Variants in MAGI2 observed in about 807,000 individuals in gnomAD.
MAGI2 encodes membrane associated guanylate kinase, WW and PDZ domain containing 2, also known as membrane-associated guanylate kinase, WW and PDZ domain-containing protein 2.
In MAGI2, 35 loss-of-function variants were observed where a neutral mutation model predicts 133.3. The observed-to-expected ratio is 0.26, with a 90% CI of 0.20 to 0.35. The LOEUF is 0.35. Among genes scored for constraint, MAGI2 ranks in the 10% least tolerant of loss-of-function variants. The pLI is 1.00. For missense variants in MAGI2, 1,636 were observed against 1,863.4 expected (o/e 0.88, Z 2.25); for synonymous variants, 729 against 710.6 (o/e 1.03, Z -0.41).
intron 9 of MAGI2, among the ~76,000 whole-genome samples, chr7:78,311,770 A>G (rs1006888095): frequency 2.0e-5 from 3 of 151,088 alleles, no homozygotes; most frequent in Non-Finnish European, 4.4e-5. Flanking sequence ...ACTTTCACAA[A>G]TTCTTTTTTT....
At chr7:78,674,593 A>G (rs1274020059) in intron 2 of MAGI2, among the ~76,000 whole-genome samples, 1 of 152,178 alleles carries the variant, frequency 6.6e-6, no homozygotes, top group African/African-American at 2.4e-5. Flanking sequence ...CAATGTGAAT[A>G]AGAAATTCTT....
chr7:78,771,020 T>C (rs1208266981), intron 2 of MAGI2: 1 of 152,228 alleles, frequency 6.6e-6, no homozygotes, highest in Non-Finnish European at 1.5e-5. Context: ...TCAACATGGA[T>C]GTCTAGAATT....
At chr7:78,859,870 G>A (rs1425329953) in intron 2 of MAGI2, among the ~76,000 whole-genome samples, 24 of 152,118 alleles carry the variant, frequency 1.6e-4, no homozygotes, top group Non-Finnish European at 2.6e-4. Context: ...TCACTTTCAG[G>A]TACACCAATC....
chr7:78,043,504 G>A (rs949941154), intron 21 of MAGI2, among the ~76,000 whole-genome samples: 3 of 152,200 alleles, frequency 2.0e-5, no homozygotes, highest in African/African-American at 7.2e-5. Flanking sequence ...GGGCTGGAAA[G>A]GATTGGCCAA....
At position 79,273,281 on chromosome 7, in the gene MAGI2, C is replaced by G. The variant is rs183944480; in HGVS notation, c.301+179739G>C. ...GGCTGCAATACCTCTTTCAAAGACA[C>G]TTAGCCAATTAGCCACAGAAAATTA... On this transcript the variant is annotated intron_variant, in intron 1 of 21. Coordinates refer to ENST00000354212, the MANE Select transcript of MAGI2 (RefSeq NM_012301.4). Among the ~76,000 whole-genome samples the G allele has an allele frequency of 1.9e-3, 288 of 152,110 alleles. 1 individual carries two copies. Among genetic ancestry groups the G allele is most frequent in the African/African-American group, 6.4e-3 (264 of 41,526 alleles).
At chr7:79,421,454 A>G (rs1218130986) in intron 1 of MAGI2, among the ~76,000 whole-genome samples, 2 of 152,010 alleles carry the variant, frequency 1.3e-5, no homozygotes, top group African/African-American at 4.8e-5. Context: ...CTAAAGTAGT[A>G]ATAGCATGAC....
At chr7:78,455,909 G>A (rs776160487) in intron 6 of MAGI2, among the ~76,000 whole-genome samples, 4 of 151,928 alleles carry the variant, frequency 2.6e-5, no homozygotes, top group Non-Finnish European at 2.9e-5. Flanking sequence ...ATACCCTAAT[G>A]TTTTTTCCCA....
chr7:78,189,100 G>A (rs1478161352), intron 12 of MAGI2, among the ~76,000 whole-genome samples: 1 of 152,162 alleles, frequency 6.6e-6, no homozygotes, highest in Non-Finnish European at 1.5e-5. Flanking sequence ...TAATAACAAG[G>A]AAAGAGCAGC....
intron 5 of MAGI2, among the ~76,000 whole-genome samples, chr7:78,496,246 A>G (rs1337119428): frequency 6.6e-6 from 1 of 152,212 alleles, no homozygotes. Context: ...ATACACAGCT[A>G]TGACATTTTT....
intron 2 of MAGI2, among the ~76,000 whole-genome samples, chr7:78,667,235 AC>A (rs1033462328): frequency 1.1e-4 from 17 of 150,704 alleles, no homozygotes; most frequent in South Asian, 2.1e-4. Context: ...TTATGTCCAC[AC>A]CCCTGCCCAA....
At chr7:78,652,135 G>A (rs1183830600) in intron 2 of MAGI2, among the ~76,000 whole-genome samples, 3 of 152,062 alleles carry the variant, frequency 2.0e-5, no homozygotes, top group African/African-American at 7.2e-5. Context: ...CCTCAAACGG[G>A]GAGAGAAATA....
At chr7:79,087,445 G>C (rs1431841324) in intron 1 of MAGI2, among the ~76,000 whole-genome samples, 1 of 151,888 alleles carries the variant, frequency 6.6e-6, no homozygotes, top group African/African-American at 2.4e-5. Context: ...TGAAGGCTTT[G>C]CAATGTTTAC....
At chr7:78,688,453 A>G (rs1309438769) in intron 2 of MAGI2, among the ~76,000 whole-genome samples, 2 of 152,336 alleles carry the variant, frequency 1.3e-5, no homozygotes, top group Middle Eastern at 3.4e-3. Context: ...TTTTTTATGA[A>G]GACAAAAAAA....
chr7:79,366,863 G>A (rs1183204846), intron 1 of MAGI2, among the ~76,000 whole-genome samples: 7 of 152,066 alleles, frequency 4.6e-5, no homozygotes, highest in Admixed American at 4.6e-4. Context: ...CATACAAGCA[G>A]ATAATTAATT....
intron 2 of MAGI2, among the ~76,000 whole-genome samples, chr7:78,923,925 G>T (rs1366926905): frequency 6.6e-6 from 1 of 152,024 alleles, no homozygotes; most frequent in Non-Finnish European, 1.5e-5. Flanking sequence ...TTGTAAGTTG[G>T]GTTCCTAAGT....
chr7:79,065,264 C>T (rs1814189503), intron 1 of MAGI2, among the ~76,000 whole-genome samples: 1 of 152,050 alleles, frequency 6.6e-6, no homozygotes, highest in Non-Finnish European at 1.5e-5. Context: ...TTGGTATACA[C>T]TTTGGAGACT....
chr7:79,020,494 C>T (rs575822602), intron 1 of MAGI2, among the ~76,000 whole-genome samples: 26 of 152,200 alleles, frequency 1.7e-4, no homozygotes, highest in African/African-American at 4.6e-4. Context: ...TGGTCAGGCG[C>T]GGTGGCTGAT....
intron 2 of MAGI2, among the ~76,000 whole-genome samples, chr7:78,762,901 A>C (rs564774010): frequency 6.6e-6 from 1 of 152,354 alleles, no homozygotes; most frequent in South Asian, 2.1e-4. Flanking sequence ...TGGGCATAAA[A>C]GAACACAGTT....
chr7:78,784,783 C>T, intron 2 of MAGI2, among the ~76,000 whole-genome samples: 1 of 152,276 alleles, frequency 6.6e-6, no homozygotes, highest in African/African-American at 2.4e-5. Context: ...TTTCTGATGG[C>T]TGCTGTGTCA....
Sources: allele counts gnomAD v4.1 joint callset (sites outside exome capture counted in the v4.1 genomes callset), GRCh38; gene constraint gnomAD v4.1.1; transcripts MANE v1.5; gene names NCBI Gene and HGNC (gene_info 2026-07-23, HGNC 2026-07-21).